The following SETD1B variants were observed in gnomAD, a reference collection of about 807,000 sequenced individuals.
SETD1B encodes histone-lysine N-methyltransferase SETD1B.
In SETD1B, 7 loss-of-function variants were observed where a neutral mutation model predicts 148.0. The observed-to-expected ratio is 0.05, with a 90% CI of 0.03 to 0.09. SETD1B has a LOEUF of 0.09. SETD1B is among the 10% of genes least tolerant of loss of function. The probability of loss-of-function intolerance (pLI) is 1.00; values close to 1 mark genes in which losing one functional copy is unlikely to be tolerated. For missense variants in SETD1B, 2,155 were observed against 2,729.9 expected (o/e 0.79, Z 4.69); for synonymous variants, 1,361 against 1,186.5 (o/e 1.15, Z -3.02).
chr12:121,791,410 G>A, the SETD1B span, among the ~76,000 whole-genome samples: 1 of 152,136 alleles, frequency 6.6e-6, no homozygotes, highest in Non-Finnish European at 1.5e-5. Context: ...TCAGGAAACT[G>A]AGGCCCAGAC....
At position 121,810,876 on chromosome 12, in the gene SETD1B, C is replaced by T. The variant is rs193209329; in HGVS notation, c.1890+41C>T. On this transcript the variant is annotated intron_variant, in intron 6 of 16. Coordinates refer to ENST00000604567, the MANE Select transcript of SETD1B (RefSeq NM_001353345.2). The surrounding 1 kb of genome is among the most constrained non-coding windows in gnomAD (Gnocchi z 7.6). ...TCCATCTGTCTGGGACTGGTTTTGT[C>T]TATCTTGTATCTCCCTTTCCCCCTT... 9 of 1,453,538 alleles carry T rather than the reference C, an allele frequency of 6.2e-6. No homozygotes were observed. The highest frequency in any genetic ancestry group is 5.0e-5 in the East Asian group (2 of 39,820). The allele number at this position is 1,453,538 out of a possible 1,614,324, so 90.0% of individuals were successfully genotyped here. A position where few individuals can be genotyped will look rare whatever the true frequency, so the allele number is the denominator to read the frequency against.
At chr12:121,803,684 C>T (rs968006273), upstream of SETD1B, 1 of 152,154 alleles carries the variant, frequency 6.6e-6, no homozygotes, top group African/African-American at 2.4e-5. This position sits in a 1 kb window ranked among gnomAD's most constrained non-coding sequence, Gnocchi z 4.7. Context: ...AGGCCCGGGA[C>T]GCACGCCGCG....
In SETD1B at chr12:121,832,087, G is replaced by A. The variant is rs1189760661; in HGVS notation, c.*1848G>A. On this transcript the variant is annotated 3_prime_UTR_variant, in exon 17 of 17. Coordinates refer to ENST00000604567, the MANE Select transcript of SETD1B (RefSeq NM_001353345.2). ...TAATTTATTTTTCACATGAGGAAAT[G>A]CGTAGCTTGTAGAGACGGCTGATTC... is the stretch of plus-strand genomic sequence containing the variant. 1 of 152,150 alleles carries A rather than the reference G, an allele frequency of 6.6e-6. No individual in the cohort carries two copies. Among genetic ancestry groups the A allele is most frequent in the East Asian group, 1.9e-4 (1 of 5,202 alleles). The allele number at this position is 152,150 out of a possible 1,614,324, so 9.4% of individuals were successfully genotyped here. A position where few individuals can be genotyped will look rare whatever the true frequency, so the allele number is the denominator to read the frequency against.
chr12:121,805,669 A>ATT lies in SETD1B; in HGVS notation c.274-157_274-156dup, dbSNP rs1156354370. ...CCGCTTCCCGGGCCCGCCCGCGTGCATTTTTTTTTTCCAAAAAAAATTTTT... is the reference window on the plus strand; with the variant it reads ...CCGCTTCCCGGGCCCGCCCGCGTGCATTTTTTTTTTTTCCAAAAAAAATTTTT... On this transcript the variant is annotated intron_variant, in intron 3 of 16. Coordinates refer to ENST00000604567, the MANE Select transcript of SETD1B (RefSeq NM_001353345.2). This position sits in a 1 kb window ranked among gnomAD's most constrained non-coding sequence, Gnocchi z 4.2. Among the ~76,000 whole-genome samples the ATT allele has an allele frequency of 1.5e-5, 2 of 131,358 alleles. No homozygotes were observed. Among genetic ancestry groups the ATT allele is most frequent in the African/African-American group, 2.9e-5 (1 of 34,710 alleles). The allele number at this position is 131,358 out of a possible 152,430, so 86.2% of individuals were successfully genotyped here. A position where few individuals can be genotyped will look rare whatever the true frequency, so the allele number is the denominator to read the frequency against.
the SETD1B span, chr12:121,797,783 A>T: frequency 2.8e-6 from 1 of 353,296 alleles, no homozygotes; most frequent in South Asian, 2.1e-5. Flanking sequence ...ACGGGGTTCA[A>T]TGGCAGAGCC....
chr12:121,824,874 G>T (rs1221717025), intron 12 of SETD1B, among the ~76,000 whole-genome samples: 1 of 151,716 alleles, frequency 6.6e-6, no homozygotes, highest in Non-Finnish European at 1.5e-5. Context: ...AATTAGTTGG[G>T]TGTGGTGGCG....
Position 121,828,885 on chromosome 12 carries a change from C to T in SETD1B, c.5727+815C>T, listed in dbSNP as rs142650019. Among the ~76,000 whole-genome samples the T allele has an allele frequency of 3.5e-3, 536 of 152,344 alleles. 1 individual carries two copies. The highest frequency in any genetic ancestry group is 0.024 in the Middle Eastern group (7 of 294). On this transcript the variant is annotated intron_variant, in intron 16 of 16. Coordinates refer to ENST00000604567, the MANE Select transcript of SETD1B (RefSeq NM_001353345.2). The stretch of plus-strand genomic sequence containing the variant: ...GAGTGCTGGCCAGGCCAGTCCTCAG[C>T]GCCTGCTGGCTCTCTTCGTTGTGAC...
Position 121,823,240 on chromosome 12 carries a change from G to T in SETD1B, c.4661G>T (p.Gly1554Val). 1 of 1,549,730 alleles carries T rather than the reference G, an allele frequency of 6.5e-7. No individual in the cohort carries two copies. Among genetic ancestry groups the T allele is most frequent in the African/African-American group, 1.4e-5 (1 of 73,140 alleles). The stretch of plus-strand genomic sequence containing the variant: ...GGAAGGGAACTCCTGCTCCTGCCGG[G>T]CCAGCCACAGACCCCCGTCTTCCCC... ...ALGRELLLLP[G>V]QPQTPVFPST... The change falls in exon 12 of 17, where the codon GGC becomes GTC. Residue 1554 changes from glycine (G) to valine (V), a missense_variant. This residue lies in a region of SETD1B where 862 missense variants were observed against 873.8 expected (regional missense o/e 0.99). Coordinates refer to ENST00000604567, the MANE Select transcript of SETD1B (RefSeq NM_001353345.2).
Position 121,830,007 on chromosome 12 carries a change from G to T in SETD1B, c.5728-59G>T, listed in dbSNP as rs1309327503. The T allele has an allele frequency of 6.7e-7, 1 of 1,494,712 alleles. No homozygotes were observed. The highest frequency in any genetic ancestry group is 9.0e-7 in the Non-Finnish European group (1 of 1,108,410). 92.6% of individuals were successfully genotyped at this position (1,494,712 alleles called of 1,614,324 possible). On this transcript the variant is annotated intron_variant, in intron 16 of 16. Transcript: ENST00000604567. This position sits in a 1 kb window ranked among gnomAD's most constrained non-coding sequence, Gnocchi z 5.7. Reference sequence around the variant, plus strand: ...AGGCCTGGTTGGGTTTGGGGGGTCTGCAGTGGTGGGGGACCCTGGGGGACC... The same window carrying T: ...AGGCCTGGTTGGGTTTGGGGGGTCTTCAGTGGTGGGGGACCCTGGGGGACC...
Position 121,809,776 on chromosome 12 carries a change from G to A in SETD1B, c.831G>A (p.Pro277=), listed in dbSNP as rs1489129997. ...NSYGQGTPLT[P]RLGTPFSQDS... ...ATGGACAGGGCACCCCGCTCACACC[G>A]CGCCTGGGCACCCCTTTCTCACAGG... The change falls in exon 6 of 17, where the codon CCG becomes CCA. Residue 277 remains proline (P), a synonymous_variant. Transcript: ENST00000604567. 10 of 1,551,252 alleles carry A rather than the reference G, an allele frequency of 6.4e-6. No individual in the cohort carries two copies. Among genetic ancestry groups the A allele is most frequent in the Admixed American group, 2.0e-5 (1 of 50,952 alleles).
Position 121,817,738 on chromosome 12 carries a change from G to C in SETD1B, c.3312+34G>C. On this transcript the variant is annotated intron_variant, in intron 9 of 16. Transcript: ENST00000604567. The surrounding 1 kb of genome is among the most constrained non-coding windows in gnomAD (Gnocchi z 8.1). The stretch of plus-strand genomic sequence containing the variant: ...CAGGCCAGGAAGCCTCAGGGGGCCG[G>C]GCCAGGCGACGAGGGCCAGACCCTT... The C allele has an allele frequency of 1.3e-6, 2 of 1,537,884 alleles. No homozygotes were observed. Among genetic ancestry groups the C allele is most frequent in the Non-Finnish European group, 1.8e-6 (2 of 1,137,250 alleles).
chr12:121,794,560 C>T, the SETD1B span, among the ~76,000 whole-genome samples: 1 of 152,200 alleles, frequency 6.6e-6, no homozygotes, highest in Non-Finnish European at 1.5e-5. Context: ...TAAGAAAATG[C>T]GTTTCCTTGC....
intron 12 of SETD1B, 26 bp from the exon 13 acceptor site, chr12:121,825,174 C>T (rs1566559955): frequency 1.9e-6 from 3 of 1,549,420 alleles, no homozygotes; most frequent in East Asian, 2.4e-5. Flanking sequence ...CTCAGAATGT[C>T]CATGTGGCCC....
Position 121,817,023 on chromosome 12 carries a change from T to C in SETD1B, c.2716-10T>C. 6.7e-7 allele frequency: 1 copy of C among 1,501,428 alleles called. No homozygotes were observed. Among genetic ancestry groups the C allele is most frequent in the South Asian group, 1.3e-5 (1 of 78,230 alleles). The allele number at this position is 1,501,428 out of a possible 1,614,324, so 93.0% of individuals were successfully genotyped here. A position where few individuals can be genotyped will look rare whatever the true frequency, so the allele number is the denominator to read the frequency against. ...GAAGCGGTGACGGTCCCCTCCTGTC[T>C]CCACCCCAGGCCTCGCTGACCCCGG... On this transcript the variant is annotated splice_polypyrimidine_tract_variant and intron_variant, in intron 7 of 16. Coordinates refer to ENST00000604567, the MANE Select transcript of SETD1B (RefSeq NM_001353345.2). The surrounding 1 kb of genome is among the most constrained non-coding windows in gnomAD (Gnocchi z 8.1).
upstream of SETD1B, chr12:121,802,102 T>G (rs925375059): frequency 2.0e-5 from 3 of 151,816 alleles, no homozygotes; most frequent in Non-Finnish European, 4.4e-5. Context: ...TTCAAATAGA[T>G]CGATTTTCAA....
intron 6 of SETD1B, among the ~76,000 whole-genome samples, chr12:121,813,197 C>T (rs1479194728): frequency 1.3e-5 from 2 of 152,222 alleles, no homozygotes; most frequent in Non-Finnish European, 2.9e-5. Flanking sequence ...CAGAGCCCCC[C>T]GCCCTGTGAG....
upstream of SETD1B, chr12:121,803,148 G>A (rs1227044168): frequency 6.7e-6 from 1 of 150,208 alleles, no homozygotes; most frequent in Non-Finnish European, 1.5e-5. The surrounding 1 kb of genome is among the most constrained non-coding windows in gnomAD (Gnocchi z 4.7). Flanking sequence ...AGAGAGGAGC[G>A]GCAGAGGGGG....
Position 121,810,213 on chromosome 12 carries a change from G to A in SETD1B, c.1268G>A (p.Arg423His), listed in dbSNP as rs752106323. 11 of 1,549,158 alleles carry A rather than the reference G, an allele frequency of 7.1e-6. No individual in the cohort carries two copies. The highest frequency in any genetic ancestry group is 4.1e-5 in the African/African-American group (3 of 72,966). Residue 423 changes from arginine to histidine, a missense_variant, in exon 6 of 17, where the codon CGC becomes CAC. By Grantham distance (29) the Arg-to-His change is conservative. This residue lies in a region of SETD1B where 376 missense variants were observed against 385.0 expected (regional missense o/e 0.98). Transcript: ENST00000604567. This position sits in a 1 kb window ranked among gnomAD's most constrained non-coding sequence, Gnocchi z 7.6. ...EPTATAAFGARDSGEFRRAPA... is the reference protein window; with the variant it reads ...EPTATAAFGAHDSGEFRRAPA... ...ACCGCCACAGCCGCTTTTGGGGCCC[G>A]CGACAGTGGGGAGTTCCGGAGGGCA...
At position 121,809,810 on chromosome 12, in the gene SETD1B, T is replaced by C; in HGVS notation, c.865T>C (p.Tyr289His). 3.2e-6 allele frequency: 5 copies of C among 1,551,504 alleles called. No homozygotes were observed. Among genetic ancestry groups the C allele is most frequent in the Non-Finnish European group, 4.4e-6 (5 of 1,146,950 alleles). The change falls in exon 6 of 17, where the codon TAC becomes CAC. Residue 289 changes from tyrosine (Y) to histidine (H), a missense_variant. Transcript: ENST00000604567. ...LGTPFSQDSSYSSRQPTPSYL... is the reference protein window; with the variant it reads ...LGTPFSQDSSHSSRQPTPSYL... ...CACCCCTTTCTCACAGGACTCCAGC[T>C]ACTCCAGCCGCCAGCCCACACCCTC...
Sources: gnomAD v4.1 joint callset for allele counts (sites outside exome capture counted in the v4.1 genomes callset) on GRCh38, gnomAD v4.1.1 for gene constraint, gnomAD v4.1.1 regional missense constraint, Gnocchi (gnomAD v3.1) non-coding constraint, MANE v1.5 for transcripts, NCBI Gene and HGNC (gene_info 2026-07-23, HGNC 2026-07-21) for gene names.